SAMSN1: variants seen among roughly 807,000 people sequenced by gnomAD.
SAMSN1 encodes the protein SAM domain-containing protein SAMSN-1.
A neutral mutation model predicts 42.0 loss-of-function variants in SAMSN1; 31 were observed. The observed-to-expected ratio is 0.74, with a 90% CI of 0.55 to 1.00. The LOEUF is 1.00. Among genes scored for constraint, SAMSN1 ranks in the 50% least tolerant of loss-of-function variants. The pLI, the probability that SAMSN1 is intolerant of heterozygous loss-of-function variation, is 0.00. For synonymous variants in SAMSN1, 178 were observed against 151.9 expected, an observed-to-expected ratio of 1.17 and a Z score of -1.26; for missense variants, 464 against 439.4, an observed-to-expected ratio of 1.06 and a Z score of -0.50.
chr21:14,520,676 G>C (rs1289068924), intron 2 of SAMSN1, among the ~76,000 whole-genome samples: 1 of 152,140 alleles, frequency 6.6e-6, no homozygotes, highest in Non-Finnish European at 1.5e-5. Flanking sequence ...TGATGATCCT[G>C]GATGAAGCCC....
At chr21:14,552,439 C>A (rs1307771194) in intron 2 of SAMSN1, among the ~76,000 whole-genome samples, 1 of 152,008 alleles carries the variant, frequency 6.6e-6, no homozygotes, top group African/African-American at 2.4e-5. Flanking sequence ...GGGGACAGAG[C>A]CTTTATGGAT....
intron 5 of SAMSN1, among the ~76,000 whole-genome samples, chr21:14,608,260 T>G (rs1982615805): frequency 6.6e-6 from 1 of 152,216 alleles, no homozygotes. Context: ...CTCCTCTATC[T>G]CCTGGTAGCA....
Position 14,513,609 on chromosome 21 carries a change from T to G in SAMSN1, c.280-1036A>C, listed in dbSNP as rs138563943. On this transcript the variant is annotated intron_variant, in intron 3 of 7. Coordinates refer to ENST00000400566, the MANE Select transcript of SAMSN1 (RefSeq NM_022136.5). ...AGAATAGTAAGTGTTATGAAAGAAA[T>G]AAAACTGGGTGATGTGAGAGAATTT... Among the ~76,000 whole-genome samples, 53 of 152,186 alleles carry G rather than the reference T, an allele frequency of 3.5e-4. No individual in the cohort carries two copies. The East Asian group carries it at 7.5e-3, about 22-fold the overall frequency.
chr21:14,546,726 T>C (rs1980414437), upstream of SAMSN1, among the ~76,000 whole-genome samples: 2 of 152,240 alleles, frequency 1.3e-5, no homozygotes, highest in Middle Eastern at 3.4e-3. Flanking sequence ...TTTTCTTTTT[T>C]TGATACGGAA....
upstream of SAMSN1, among the ~76,000 whole-genome samples, chr21:14,549,770 A>C (rs1050470484): frequency 8.5e-5 from 13 of 152,096 alleles, no homozygotes; most frequent in African/African-American, 3.1e-4. Flanking sequence ...TCAATCATAA[A>C]AGTAACTTAA....
intron 5 of SAMSN1, among the ~76,000 whole-genome samples, chr21:14,605,807 GATTTATTTATTT>G (rs567638495): frequency 0.011 from 1,652 of 144,052 alleles, 29 homozygotes; most frequent in South Asian, 0.083. Flanking sequence ...ATGTAAAGAA[GATTTATTTATTT>G]ATTTATTTAT....
chr21:14,581,449 C>T (rs1306257048), intron 2 of SAMSN1, among the ~76,000 whole-genome samples: 2 of 142,884 alleles, frequency 1.4e-5, no homozygotes, highest in East Asian at 4.2e-4. Flanking sequence ...AGCTCCACCT[C>T]CTGGGTTCAC....
At chr21:14,628,024 T>C (rs1204536937) in intron 2 of SAMSN1, among the ~76,000 whole-genome samples, 2 of 152,086 alleles carry the variant, frequency 1.3e-5, no homozygotes, top group Non-Finnish European at 2.9e-5. Flanking sequence ...ATAGACAGGA[T>C]GGTACCAGGA....
At chr21:14,582,562 T>C in intron 1 of SAMSN1, 1 of 608,310 alleles carries the variant, frequency 1.6e-6, no homozygotes, top group Non-Finnish European at 2.9e-6. Context: ...TCCATTTATA[T>C]AAGAGAAATA....
chr21:14,572,855 C>A (rs1262869692), intron 2 of SAMSN1, among the ~76,000 whole-genome samples: 1 of 152,124 alleles, frequency 6.6e-6, no homozygotes, highest in Non-Finnish European at 1.5e-5. Context: ...AAGCCATGAT[C>A]TTTGCAGAAA....
At chr21:14,639,137 A>G (rs1179210586) in intron 2 of SAMSN1, among the ~76,000 whole-genome samples, 1 of 152,228 alleles carries the variant, frequency 6.6e-6, no homozygotes, top group Non-Finnish European at 1.5e-5. Flanking sequence ...TACTTCAGTC[A>G]ATATAGACAG....
intron 6 of SAMSN1, among the ~76,000 whole-genome samples, chr21:14,499,804 A>G (rs1416061004): frequency 3.9e-5 from 6 of 152,206 alleles, no homozygotes; most frequent in Non-Finnish European, 7.3e-5. Flanking sequence ...ATAACTAGAT[A>G]ATTCAGAAAA....
intron 2 of SAMSN1, among the ~76,000 whole-genome samples, chr21:14,575,421 TA>T (rs778053082): frequency 4.6e-4 from 70 of 152,320 alleles, no homozygotes; most frequent in Non-Finnish European, 8.1e-4. Flanking sequence ...CACATTTTCC[TA>T]TTTATCTTTT....
rs80062901 is a variant in SAMSN1 at position 14,485,886 on chromosome 21, G to A, written c.*26C>T. 28,860 of 1,565,218 alleles carry A rather than the reference G, an allele frequency of 0.018. 322 individuals are homozygous for A. Among genetic ancestry groups the A allele is most frequent in the Non-Finnish European group, 0.022 (24,571 of 1,136,434 alleles). Reference sequence around the variant, plus strand: ...AGAAGAGTTAAAATGGAATGCATCTGTAGATATATAGTTGGGAATGCGTGT... The same window carrying A: ...AGAAGAGTTAAAATGGAATGCATCTATAGATATATAGTTGGGAATGCGTGT... On this transcript the variant is annotated 3_prime_UTR_variant, in exon 8 of 8. Transcript: ENST00000400566.
At chr21:14,522,170 T>C (rs1273956702) in intron 1 of SAMSN1, among the ~76,000 whole-genome samples, 1 of 152,232 alleles carries the variant, frequency 6.6e-6, no homozygotes, top group Admixed American at 6.5e-5. Flanking sequence ...TGAATACCTT[T>C]TGCTTACAAA....
upstream of SAMSN1, among the ~76,000 whole-genome samples, chr21:14,550,185 GAGTTAAGGA>G (rs1229146876): frequency 3.3e-5 from 5 of 152,028 alleles, no homozygotes; most frequent in South Asian, 4.1e-4. Flanking sequence ...CCTATGGGAG[GAGTTAAGGA>G]AGTGGGGGGA....
chr21:14,556,105 C>A (rs775765535), intron 2 of SAMSN1, among the ~76,000 whole-genome samples: 13 of 152,156 alleles, frequency 8.5e-5, no homozygotes, highest in Non-Finnish European at 1.9e-4. Flanking sequence ...AAACGCTATT[C>A]TTAAACAGGA....
At chr21:14,513,538 T>C (rs1390120020) in intron 3 of SAMSN1, among the ~76,000 whole-genome samples, 1 of 152,010 alleles carries the variant, frequency 6.6e-6, no homozygotes, top group African/African-American at 2.4e-5. Context: ...TGTGTCTGTG[T>C]AGAGTATTTG....
At chr21:14,543,817 G>A (rs1320794005) in intron 1 of SAMSN1, among the ~76,000 whole-genome samples, 1 of 152,020 alleles carries the variant, frequency 6.6e-6, no homozygotes, top group Non-Finnish European at 1.5e-5. Context: ...AATTCTAAGA[G>A]TATAGTATGA....
Sources: gnomAD v4.1 joint callset for allele counts (sites outside exome capture counted in the v4.1 genomes callset) on GRCh38, gnomAD v4.1.1 for gene constraint, MANE v1.5 for transcripts, NCBI Gene and HGNC (gene_info 2026-07-23, HGNC 2026-07-21) for gene names.